ZSWIM6: variants seen among roughly 807,000 people sequenced by gnomAD.
ZSWIM6 encodes zinc finger SWIM domain-containing protein 6.
A neutral mutation model predicts 113.2 loss-of-function variants in ZSWIM6; 9 were observed. That is an observed-to-expected ratio of 0.08 (90% CI 0.05 to 0.14). ZSWIM6 has a LOEUF of 0.14. Among genes scored for constraint, ZSWIM6 ranks in the 10% least tolerant of loss-of-function variants. ZSWIM6 has a pLI of 1.00. For synonymous variants in ZSWIM6, 611 were observed against 606.5 expected, an observed-to-expected ratio of 1.01 and a Z score of -0.11; for missense variants, 1,162 against 1,552.2, an observed-to-expected ratio of 0.75 and a Z score of 4.22.
intron 8 of ZSWIM6, among the ~76,000 whole-genome samples, chr5:61,530,816 C>A (rs75899430): frequency 0.026 from 3,893 of 152,242 alleles, 170 homozygotes; most frequent in South Asian, 0.18. Context: ...AAGTCTTGCC[C>A]CTTCATAATT....
intron 1 of ZSWIM6, among the ~76,000 whole-genome samples, chr5:61,432,338 G>C (rs748813588): frequency 1.3e-5 from 2 of 152,218 alleles, no homozygotes; most frequent in Non-Finnish European, 2.9e-5. Flanking sequence ...CACAGAGTAC[G>C]TAAGAGTGTT....
At chr5:61,365,054 A>G (rs1034194974) in intron 1 of ZSWIM6, among the ~76,000 whole-genome samples, 22 of 152,242 alleles carry the variant, frequency 1.4e-4, no homozygotes, top group Admixed American at 3.3e-4. Context: ...GCCTTTTTGA[A>G]ATGTGACACA....
At chr5:61,466,851 A>G (rs984264247) in intron 1 of ZSWIM6, among the ~76,000 whole-genome samples, 2 of 152,210 alleles carry the variant, frequency 1.3e-5, no homozygotes, top group Non-Finnish European at 2.9e-5. Flanking sequence ...AACCTAAGAT[A>G]TGAAAAATAT....
chr5:61,366,945 A>AAT (rs1745167927), intron 1 of ZSWIM6, among the ~76,000 whole-genome samples: 1 of 151,234 alleles, frequency 6.6e-6, no homozygotes, highest in African/African-American at 2.4e-5. Flanking sequence ...AAAAAAAAAA[A>AAT]GGCACAGAAG....
intron 4 of ZSWIM6, among the ~76,000 whole-genome samples, chr5:61,494,928 G>A (rs911461004): frequency 1.3e-5 from 2 of 152,008 alleles, no homozygotes; most frequent in Non-Finnish European, 2.9e-5. Flanking sequence ...GGTGGTTAAA[G>A]ATACAAATAT....
chr5:61,449,325 G>A (rs534987978), intron 1 of ZSWIM6, among the ~76,000 whole-genome samples: 92 of 152,212 alleles, frequency 6.0e-4, no homozygotes, highest in African/African-American at 2.0e-3. Flanking sequence ...ATGTAATGAA[G>A]CATTCTTTAT....
intron 9 of ZSWIM6, among the ~76,000 whole-genome samples, chr5:61,534,723 C>T (rs1160034113): frequency 6.6e-6 from 1 of 152,126 alleles, no homozygotes; most frequent in East Asian, 1.9e-4. Flanking sequence ...ATTCAGGGAG[C>T]ACACAGGGGA....
intron 1 of ZSWIM6, among the ~76,000 whole-genome samples, chr5:61,334,190 C>T (rs898300665): frequency 2.0e-4 from 30 of 152,190 alleles, no homozygotes; most frequent in African/African-American, 7.2e-4. Flanking sequence ...TTCTCAAATA[C>T]CTTAGTTTAA....
At chr5:61,458,814 G>C (rs1284412324) in intron 1 of ZSWIM6, among the ~76,000 whole-genome samples, 2 of 151,552 alleles carry the variant, frequency 1.3e-5, no homozygotes, top group Non-Finnish European at 2.9e-5. Context: ...TGAGGCGGGG[G>C]CTACAGTGAG....
chr5:61,480,230 G>A lies in ZSWIM6; in HGVS notation c.1033+7193G>A, dbSNP rs113384299. Among the ~76,000 whole-genome samples the A allele has an allele frequency of 8.7e-3, 1,326 of 152,124 alleles. 11 individuals are homozygous for A. Among genetic ancestry groups the A allele is most frequent in the Non-Finnish European group, 0.014 (924 of 68,016 alleles). ...CATGATTATTTCTGTACATGAATAC[G>A]TATACTATTGAACTGCTGAAGTAAA... On this transcript the variant is annotated intron_variant, in intron 2 of 13. Coordinates refer to ENST00000252744, the MANE Select transcript of ZSWIM6 (RefSeq NM_020928.2).
intron 4 of ZSWIM6, among the ~76,000 whole-genome samples, chr5:61,520,623 AT>A (rs1432615699): frequency 2.0e-5 from 3 of 152,128 alleles, no homozygotes; most frequent in Non-Finnish European, 4.4e-5. Flanking sequence ...TGAAAGACGT[AT>A]TTTACTGGCT....
rs57188174 is a variant in ZSWIM6, at chr5:61,456,890, CTT to C, written c.677-15780_677-15779del. ...TTGAAGATTAAACCTTATCCAATTT[CTT>C]TTTTTTTTTTCTTTTTTTTATTATT... On this transcript the variant is annotated intron_variant, in intron 1 of 13. Coordinates refer to ENST00000252744, the MANE Select transcript of ZSWIM6 (RefSeq NM_020928.2). Among the ~76,000 whole-genome samples the C allele has an allele frequency of 7.0e-5, 10 of 142,804 alleles. No individual in the cohort carries two copies. The East Asian group carries it at 9.9e-4, about 14-fold the overall frequency. The allele number at this position is 142,804 out of a possible 152,430, so 93.7% of individuals were successfully genotyped here.
intron 4 of ZSWIM6, among the ~76,000 whole-genome samples, chr5:61,502,336 C>T (rs966829311): frequency 1.3e-5 from 2 of 152,116 alleles, no homozygotes; most frequent in Admixed American, 6.6e-5. Context: ...CTTCGTTAGG[C>T]TCATGATGGG....
intron 1 of ZSWIM6, among the ~76,000 whole-genome samples, chr5:61,451,713 A>G (rs2112158144): frequency 6.6e-6 from 1 of 152,342 alleles, no homozygotes; most frequent in East Asian, 1.9e-4. Flanking sequence ...TTTACCCTAT[A>G]GATTCTGAAT....
intron 1 of ZSWIM6, among the ~76,000 whole-genome samples, chr5:61,401,967 C>T (rs1340568330): frequency 6.6e-6 from 1 of 151,908 alleles, no homozygotes; most frequent in Admixed American, 6.6e-5. Flanking sequence ...TATCTGTGTG[C>T]TTATGTTAGC....
Position 61,427,093 on chromosome 5 carries a change from A to G in ZSWIM6, c.677-45588A>G, listed in dbSNP as rs549708189. ...ATCAAAATTTCCCCCTAGACTTGGC[A>G]TCTATTGATGGTTCATGACTGAATT... is the stretch of plus-strand genomic sequence containing the variant. On this transcript the variant is annotated intron_variant, in intron 1 of 13. Transcript: ENST00000252744. Among the ~76,000 whole-genome samples, 7 of 152,322 alleles carry G rather than the reference A, an allele frequency of 4.6e-5. No homozygotes were observed. The East Asian group carries it at 7.7e-4, about 17-fold the overall frequency.
At chr5:61,425,611 A>C (rs1746449253) in intron 1 of ZSWIM6, among the ~76,000 whole-genome samples, 1 of 152,194 alleles carries the variant, frequency 6.6e-6, no homozygotes, top group Non-Finnish European at 1.5e-5. Context: ...TTGTATAAGG[A>C]GCATAAGGAG....
intron 1 of ZSWIM6, among the ~76,000 whole-genome samples, chr5:61,357,316 GA>G (rs1227327819): frequency 6.6e-6 from 1 of 152,094 alleles, no homozygotes. Context: ...AAAGCAGCAC[GA>G]AAATAATACA....
At chr5:61,424,861 G>A (rs938075933) in intron 1 of ZSWIM6, among the ~76,000 whole-genome samples, 2 of 151,582 alleles carry the variant, frequency 1.3e-5, no homozygotes, top group African/African-American at 4.9e-5. Flanking sequence ...CTGGATAGCT[G>A]GGATTACAGG....
Sources: gnomAD v4.1 joint callset for allele counts (sites outside exome capture counted in the v4.1 genomes callset) on GRCh38, gnomAD v4.1.1 for gene constraint, MANE v1.5 for transcripts, NCBI Gene and HGNC (gene_info 2026-07-23, HGNC 2026-07-21) for gene names.